MGAT5: variants seen among roughly 807,000 people sequenced by gnomAD.
MGAT5 encodes the protein alpha-1,6-mannosylglycoprotein 6-beta-N-acetylglucosaminyltransferase A.
A neutral mutation model predicts 94.3 loss-of-function variants in MGAT5; 30 were observed. The ratio of observed to expected loss-of-function variants is 0.32; its 90% confidence interval spans 0.24 to 0.43. The LOEUF (loss-of-function observed/expected upper bound fraction) is 0.43, where lower values mean the gene tolerates loss of function less well. Ranked by LOEUF, MGAT5 falls within the 20% of genes least tolerant of loss-of-function variation. MGAT5 has a pLI of 1.00. For synonymous variants in MGAT5, 310 were observed against 322.9 expected, an observed-to-expected ratio of 0.96 and a Z score of 0.43; for missense variants, 691 against 905.5, an observed-to-expected ratio of 0.76 and a Z score of 3.04.
chr2:134,150,027 T>C (rs11896058), intron 1 of MGAT5, among the ~76,000 whole-genome samples: 26,971 of 152,192 alleles, frequency 0.18, 2,546 homozygotes, highest in South Asian at 0.23. Context: ...TGAACCAATG[T>C]GAAGCCAGCA....
chr2:134,372,974 G>A (rs7572684), intron 10 of MGAT5, among the ~76,000 whole-genome samples: 3,887 of 152,328 alleles, frequency 0.026, 173 homozygotes, highest in African/African-American at 0.089. Context: ...CTTCTGGAAG[G>A]TTCCAAATCA....
chr2:134,371,765 A>G (rs780103037), intron 10 of MGAT5, among the ~76,000 whole-genome samples: 16 of 152,142 alleles, frequency 1.1e-4, no homozygotes, highest in Non-Finnish European at 1.9e-4. Flanking sequence ...CTCATAGCTT[A>G]CAGTTCCAAG....
At chr2:134,243,784 T>C (rs1682091689) in intron 1 of MGAT5, among the ~76,000 whole-genome samples, 1 of 152,074 alleles carries the variant, frequency 6.6e-6, no homozygotes, top group African/African-American at 2.4e-5. Context: ...TTTCTGCAAA[T>C]AGGGCAGCTG....
intron 10 of MGAT5, among the ~76,000 whole-genome samples, chr2:134,383,066 T>C (rs1681732420): frequency 6.6e-6 from 1 of 152,210 alleles, no homozygotes; most frequent in Non-Finnish European, 1.5e-5. Context: ...ACCAGTAAAA[T>C]AATGGGGAAG....
At chr2:134,158,068 G>A (rs924759120) in intron 1 of MGAT5, among the ~76,000 whole-genome samples, 1 of 152,208 alleles carries the variant, frequency 6.6e-6, no homozygotes, top group African/African-American at 2.4e-5. Flanking sequence ...AAGGAAGCGT[G>A]TGCTGATTGG....
chr2:134,361,750 G>A (rs926530479), intron 9 of MGAT5, among the ~76,000 whole-genome samples: 1 of 152,166 alleles, frequency 6.6e-6, no homozygotes, highest in Non-Finnish European at 1.5e-5. Flanking sequence ...TTATGAGTGA[G>A]TAATTCTTAG....
At chr2:134,440,295 A>G (rs976285773) in intron 14 of MGAT5, among the ~76,000 whole-genome samples, 5 of 152,180 alleles carry the variant, frequency 3.3e-5, no homozygotes, top group African/African-American at 1.2e-4. Flanking sequence ...AAGATCCTCA[A>G]ATAATGTCAT....
intron 2 of MGAT5, among the ~76,000 whole-genome samples, chr2:134,278,921 G>A (rs974671680): frequency 6.6e-6 from 1 of 152,150 alleles, no homozygotes; most frequent in African/African-American, 2.4e-5. Context: ...CATCCCAGAG[G>A]TTTGTGATGT....
rs1686178473 is a variant in MGAT5, at chr2:134,452,907, G to A, written c.*4060G>A. The stretch of plus-strand genomic sequence containing the variant: ...AGCTGGGAGTTTCGTGAAGCTGAGG[G>A]TGAGTTCCTGTGATTCTTGTTCGCT... On this transcript the variant is annotated 3_prime_UTR_variant, in exon 16 of 16. Coordinates refer to ENST00000281923, the MANE Select transcript of MGAT5 (RefSeq NM_002410.5). The A allele has an allele frequency of 6.6e-6, 1 of 152,208 alleles. No individual in the cohort carries two copies. Among genetic ancestry groups the A allele is most frequent in the Non-Finnish European group, 1.5e-5 (1 of 68,044 alleles). The allele number at this position is 152,208 out of a possible 1,614,324, so 9.4% of individuals were successfully genotyped here. A position where few individuals can be genotyped will look rare whatever the true frequency, so the allele number is the denominator to read the frequency against.
intron 1 of MGAT5, among the ~76,000 whole-genome samples, chr2:134,156,365 C>T (rs1407410919): frequency 1.3e-5 from 2 of 152,128 alleles, no homozygotes; most frequent in Admixed American, 6.5e-5. Flanking sequence ...CAGATAAGTT[C>T]GTCCAGGTCT....
intron 2 of MGAT5, among the ~76,000 whole-genome samples, chr2:134,275,051 C>T (rs765644548): frequency 2.0e-5 from 3 of 152,140 alleles, no homozygotes; most frequent in Non-Finnish European, 4.4e-5. Context: ...TTAGTTGTAC[C>T]TGTGCTCTTT....
intron 1 of MGAT5, among the ~76,000 whole-genome samples, chr2:134,217,731 G>C (rs546817656): frequency 1.1e-3 from 164 of 152,270 alleles, no homozygotes; most frequent in Non-Finnish European, 1.6e-3. Context: ...CTGACTTACA[G>C]TTAGAAAAAA....
chr2:134,399,409 A>G (rs532931991), intron 10 of MGAT5, among the ~76,000 whole-genome samples: 1 of 152,354 alleles, frequency 6.6e-6, no homozygotes, highest in South Asian at 2.1e-4. Flanking sequence ...AGACACTGAC[A>G]ACACTGCTCA....
chr2:134,445,477 G>A (rs1226819339), intron 15 of MGAT5, among the ~76,000 whole-genome samples: 1 of 152,108 alleles, frequency 6.6e-6, no homozygotes, highest in Non-Finnish European at 1.5e-5. Context: ...CAGCAGGTGA[G>A]ACAGCAGCAC....
rs764477702 is a variant in MGAT5, at chr2:134,422,784, G to A, written c.1678-19G>A. ...TTTAAAAATTGCTTGTGAGACTGAG[G>A]TGTTCGGTTCTTTTCCAGCTGACAT... On this transcript the variant is annotated intron_variant, in intron 12 of 15. Coordinates refer to ENST00000281923, the MANE Select transcript of MGAT5 (RefSeq NM_002410.5). The A allele has an allele frequency of 4.4e-5, 70 of 1,599,286 alleles. No individual in the cohort carries two copies. The South Asian group carries it at 7.2e-4, about 16-fold the overall frequency.
At chr2:134,408,321 A>C (rs958222130) in intron 11 of MGAT5, among the ~76,000 whole-genome samples, 1 of 152,218 alleles carries the variant, frequency 6.6e-6, no homozygotes, top group South Asian at 2.1e-4. Flanking sequence ...TTACTCCCCT[A>C]TCTCCAAGTT....
chr2:134,441,609 C>A, intron 14 of MGAT5, 149 bp from the exon 15 acceptor site: 1 of 930,554 alleles, frequency 1.1e-6, no homozygotes, highest in Non-Finnish European at 1.6e-6. Flanking sequence ...CCAGCTGAGC[C>A]CCAATCCAGC....
At chr2:134,281,898 A>G (rs1684721234) in intron 2 of MGAT5, among the ~76,000 whole-genome samples, 1 of 152,256 alleles carries the variant, frequency 6.6e-6, no homozygotes. Context: ...TTAAGACTTT[A>G]TTTCAGGATG....
Position 134,364,938 on chromosome 2 carries a change from C to A in MGAT5, c.1380+2530C>A, listed in dbSNP as rs1035389400. ...CTTTTAAGTGAGATGTTACTCCAAC[C>A]GCATTTCTAAAGTTACGTTCAACAT... On this transcript the variant is annotated intron_variant, in intron 10 of 15. Transcript: ENST00000281923. Among the ~76,000 whole-genome samples the A allele has an allele frequency of 1.3e-5, 2 of 152,170 alleles. 1 individual carries two copies. The highest frequency in any genetic ancestry group is 4.1e-4 in the South Asian group (2 of 4,836).
Sources: allele counts gnomAD v4.1 joint callset (sites outside exome capture counted in the v4.1 genomes callset), GRCh38; gene constraint gnomAD v4.1.1; transcripts MANE v1.5; gene names NCBI Gene and HGNC (gene_info 2026-07-23, HGNC 2026-07-21).